The following FMNL3 variants were observed in gnomAD, a reference collection of about 807,000 sequenced individuals.
FMNL3 encodes the protein formin-like protein 3.
FMNL3 carries 57 observed loss-of-function variants against 119.6 expected under a neutral mutation model. The observed-to-expected ratio is 0.48, with a 90% CI of 0.39 to 0.59. The LOEUF is 0.59. Ranked by LOEUF, FMNL3 falls within the 20% of genes least tolerant of loss-of-function variation. The pLI, the probability that FMNL3 is intolerant of heterozygous loss-of-function variation, is 0.00. For synonymous variants in FMNL3, 491 were observed against 507.3 expected, an observed-to-expected ratio of 0.97 and a Z score of 0.43; for missense variants, 1,053 against 1,323.5, an observed-to-expected ratio of 0.80 and a Z score of 3.17.
chr12:49,643,306 C>T lies in FMNL3; in HGVS notation c.*2509G>A. 6.2e-7 allele frequency: 1 copy of T among 1,611,790 alleles called. No homozygotes were observed. Among genetic ancestry groups the T allele is most frequent in the Non-Finnish European group, 8.5e-7 (1 of 1,179,130 alleles). On this transcript the variant is annotated 3_prime_UTR_variant, in exon 26 of 26. Transcript: ENST00000335154. Reference sequence around the variant, plus strand: ...GGAGGCGGAACCCCTCAGAGTCAGGCTCTGAGCCCTCTTCCTCACTTGATT... The same window carrying T: ...GGAGGCGGAACCCCTCAGAGTCAGGTTCTGAGCCCTCTTCCTCACTTGATT...
At chr12:49,650,279 T>A (rs1943355270) in intron 17 of FMNL3, among the ~76,000 whole-genome samples, 1 of 152,208 alleles carries the variant, frequency 6.6e-6, no homozygotes, top group Admixed American at 6.5e-5. Context: ...CAAGGCACTA[T>A]GCTTCTCCCT....
At chr12:49,646,392 C>T (rs1693782919) in intron 25 of FMNL3, among the ~76,000 whole-genome samples, 2 of 152,162 alleles carry the variant, frequency 1.3e-5, no homozygotes, top group East Asian at 1.9e-4. Flanking sequence ...CCTGGTGACT[C>T]CCTACCCACT....
At position 49,642,702 on chromosome 12, in the gene FMNL3, G is replaced by GC; in HGVS notation, c.*3112dup. The GC allele has an allele frequency of 1.2e-6, 2 of 1,606,622 alleles. No homozygotes were observed. The highest frequency in any genetic ancestry group is 1.7e-6 in the Non-Finnish European group (2 of 1,176,148). On this transcript the variant is annotated 3_prime_UTR_variant, in exon 26 of 26. Coordinates refer to ENST00000335154, the MANE Select transcript of FMNL3 (RefSeq NM_175736.5). This position sits in a 1 kb window ranked among gnomAD's most constrained non-coding sequence, Gnocchi z 5.8. ...TGAGGCAGGCTTGTCCTCTGGATCT[G>GC]CCTCAGGCCCTTGAACTCATTAGAC...
chr12:49,688,063 C>T (rs1376470578), intron 1 of FMNL3, among the ~76,000 whole-genome samples: 3 of 152,212 alleles, frequency 2.0e-5, no homozygotes, highest in Admixed American at 2.0e-4. Context: ...TTATAGGTCA[C>T]ACTTTTTATT....
chr12:49,702,424 G>C (rs1023520027), intron 1 of FMNL3, among the ~76,000 whole-genome samples: 1 of 152,150 alleles, frequency 6.6e-6, no homozygotes, highest in African/African-American at 2.4e-5. Context: ...GAAAATATTT[G>C]CATTTGGTAA....
chr12:49,651,315 G>A lies in FMNL3; in HGVS notation c.1673-23C>T, dbSNP rs776156359. On this transcript the variant is annotated intron_variant, in intron 15 of 25. Coordinates refer to ENST00000335154, the MANE Select transcript of FMNL3 (RefSeq NM_175736.5). The stretch of plus-strand genomic sequence containing the variant: ...TGGCTAATTTGGAAGGAGGATCAGT[G>A]ACACAGGGGCCAAGGACACACACCC... 39 of 1,608,468 alleles carry A rather than the reference G, an allele frequency of 2.4e-5. No homozygotes were observed. In the African/African-American group the frequency reaches 4.5e-4, roughly 19 times the overall value.
At chr12:49,676,590 A>C (rs1422902451) in intron 1 of FMNL3, among the ~76,000 whole-genome samples, 1 of 137,776 alleles carries the variant, frequency 7.3e-6, no homozygotes. Context: ...TAAACTCCTT[A>C]AGGGTAGGGG....
Position 49,641,914 on chromosome 12 carries a change from G to A in FMNL3, c.*3901C>T. On this transcript the variant is annotated 3_prime_UTR_variant, in exon 26 of 26. Transcript: ENST00000335154. Reference sequence around the variant, plus strand: ...TGCACTGCTGTACCCACAGGACCGGGGCTTCTGCGTGGAGGTGAACACGGC... The same window carrying A: ...TGCACTGCTGTACCCACAGGACCGGAGCTTCTGCGTGGAGGTGAACACGGC... 1 of 1,613,218 alleles carries A rather than the reference G, an allele frequency of 6.2e-7. No individual in the cohort carries two copies. Among genetic ancestry groups the A allele is most frequent in the Non-Finnish European group, 8.5e-7 (1 of 1,180,028 alleles).
In FMNL3 at chr12:49,643,085, C is replaced by T; in HGVS notation, c.*2730G>A. On this transcript the variant is annotated 3_prime_UTR_variant, in exon 26 of 26. Transcript: ENST00000335154. The stretch of plus-strand genomic sequence containing the variant: ...TTTGGGGAAATAAACACTTTGTTTT[C>T]CCCTTACAATATCTCCCTTGGAGGG... 1 of 1,593,924 alleles carries T rather than the reference C, an allele frequency of 6.3e-7. No individual in the cohort carries two copies. The highest frequency in any genetic ancestry group is 8.6e-7 in the Non-Finnish European group (1 of 1,163,308).
At chr12:49,646,516 C>T in intron 25 of FMNL3, 1 of 719,350 alleles carries the variant, frequency 1.4e-6, no homozygotes. Context: ...AAGTATGTGT[C>T]CCCATTGCTG....
rs1942877996 is a variant in FMNL3, at chr12:49,643,015, CAGTG to C, written c.*2796_*2799del. Reference sequence around the variant, plus strand: ...CATCACAAGCGTTCCCACTCACCCTCAGTGAGTAAGCGTGTAGAAGGGACATGGG... The same window carrying C: ...CATCACAAGCGTTCCCACTCACCCTCAGTAAGCGTGTAGAAGGGACATGGG... On this transcript the variant is annotated 3_prime_UTR_variant, in exon 26 of 26. Coordinates refer to ENST00000335154, the MANE Select transcript of FMNL3 (RefSeq NM_175736.5). 3 of 1,613,306 alleles carry C rather than the reference CAGTG, an allele frequency of 1.9e-6. No individual in the cohort carries two copies. The East Asian group carries it at 6.7e-5, about 36-fold the overall frequency.
In FMNL3 at chr12:49,649,754, G is replaced by A. The variant is rs1943336051; in HGVS notation, c.2172C>T (p.Thr724=). The part of the protein sequence containing the change: ...MLLFSKVERL[T]QRMAGMAFLG... ...GGAAGGCCATGCCAGCCATTCGCTG[G>A]GTCAACCGTTCCACCTTGCTGAAGA... The change falls in exon 18 of 26, where the codon ACC becomes ACT. Residue 724 remains threonine, a synonymous_variant. Coordinates refer to ENST00000335154, the MANE Select transcript of FMNL3 (RefSeq NM_175736.5). The surrounding 1 kb of genome is among the most constrained non-coding windows in gnomAD (Gnocchi z 5.6). 1 of 1,614,068 alleles carries A rather than the reference G, an allele frequency of 6.2e-7. No homozygotes were observed. Among genetic ancestry groups the A allele is most frequent in the Admixed American group, 1.7e-5 (1 of 60,002 alleles).
At chr12:49,657,574 A>G (rs928359008) in intron 6 of FMNL3, among the ~76,000 whole-genome samples, 1 of 152,152 alleles carries the variant, frequency 6.6e-6, no homozygotes, top group Non-Finnish European at 1.5e-5. Context: ...GTGGGACAAG[A>G]GCGTCATGGC....
chr12:49,650,347 C>CTGGGA (rs1943357799), intron 17 of FMNL3, among the ~76,000 whole-genome samples: 1 of 152,210 alleles, frequency 6.6e-6, no homozygotes, highest in Admixed American at 6.5e-5. Context: ...TGAGACATTA[C>CTGGGA]CTCCTCTGGG....
chr12:49,692,496 CCA>C (rs1163394624), intron 1 of FMNL3, among the ~76,000 whole-genome samples: 2 of 152,162 alleles, frequency 1.3e-5, no homozygotes, highest in African/African-American at 2.4e-5. Flanking sequence ...TCAATCCCCT[CCA>C]CAGTTCACCA....
At chr12:49,701,852 G>C (rs1944918204) in intron 1 of FMNL3, among the ~76,000 whole-genome samples, 1 of 152,162 alleles carries the variant, frequency 6.6e-6, no homozygotes, top group South Asian at 2.1e-4. Context: ...GAACCCAGGA[G>C]GCAGAGGTTG....
In FMNL3 at chr12:49,643,597, T is replaced by G; in HGVS notation, c.*2218A>C. 7.0e-7 allele frequency: 1 copy of G among 1,434,656 alleles called. No homozygotes were observed. The highest frequency in any genetic ancestry group is 9.5e-7 in the Non-Finnish European group (1 of 1,056,110). 88.9% of individuals were successfully genotyped at this position (1,434,656 alleles called of 1,614,324 possible). On this transcript the variant is annotated 3_prime_UTR_variant, in exon 26 of 26. Transcript: ENST00000335154. ...CTTAGACTTCCTCAGAGCATGAGGT[T>G]CCTGCCTGTGAAGAATGAACAGAGG...
At chr12:49,681,070 G>C (rs902831935) in intron 1 of FMNL3, among the ~76,000 whole-genome samples, 2 of 152,256 alleles carry the variant, frequency 1.3e-5, no homozygotes, top group African/African-American at 4.8e-5. Flanking sequence ...GCTGAACCAA[G>C]TATGAGTATG....
In FMNL3 at chr12:49,649,401, C is replaced by T; in HGVS notation, c.2305-62G>A. ...GGTCCTGAAGGCTCCTTCTTCCTCTCTGTATAGCCCCAGGCCCCCACCTAG... is the reference window on the plus strand; with the variant it reads ...GGTCCTGAAGGCTCCTTCTTCCTCTTTGTATAGCCCCAGGCCCCCACCTAG... On this transcript the variant is annotated intron_variant, in intron 19 of 25. Coordinates refer to ENST00000335154, the MANE Select transcript of FMNL3 (RefSeq NM_175736.5). This position sits in a 1 kb window ranked among gnomAD's most constrained non-coding sequence, Gnocchi z 5.6. The T allele has an allele frequency of 6.2e-7, 1 of 1,613,580 alleles. No homozygotes were observed. The highest frequency in any genetic ancestry group is 8.5e-7 in the Non-Finnish European group (1 of 1,179,592).
Sources: gnomAD v4.1 joint callset for allele counts (sites outside exome capture counted in the v4.1 genomes callset) on GRCh38, gnomAD v4.1.1 for gene constraint, Gnocchi (gnomAD v3.1) non-coding constraint, MANE v1.5 for transcripts, NCBI Gene and HGNC (gene_info 2026-07-23, HGNC 2026-07-21) for gene names.